The following PCDHA2 variants were observed in gnomAD, a reference collection of about 807,000 sequenced individuals.
PCDHA2 encodes the protein protocadherin alpha 2.
A neutral mutation model predicts 66.0 loss-of-function variants in PCDHA2; 58 were observed. The ratio of observed to expected loss-of-function variants is 0.88; its 90% CI spans 0.71 to 1.09. The LOEUF (loss-of-function observed/expected upper bound fraction) is 1.09, where lower values mean the gene tolerates loss of function less well. PCDHA2 is among the 50% of genes least tolerant of loss of function. PCDHA2 has a pLI of 0.00. For missense variants in PCDHA2, 1,267 were observed against 1,242.3 expected, an observed-to-expected ratio of 1.02 and a Z score of -0.30; for synonymous variants, 634 against 554.0, an observed-to-expected ratio of 1.14 and a Z score of -2.03.
intron 1 of PCDHA2, chr5:140,810,242 C>T (rs78416157): frequency 6.6e-6 from 1 of 152,216 alleles, no homozygotes; most frequent in Non-Finnish European, 1.5e-5. Flanking sequence ...TTCTACTGTT[C>T]AGGAATTTGC....
chr5:140,977,640 G>A (rs2096769670), intron 1 of PCDHA2, among the ~76,000 whole-genome samples: 1 of 152,124 alleles, frequency 6.6e-6, no homozygotes, highest in South Asian at 2.1e-4. Flanking sequence ...CTTTTTCTGG[G>A]CCTTGACTTT....
At chr5:140,858,570 C>A (rs1212586718) in intron 1 of PCDHA2, 2 of 1,363,070 alleles carry the variant, frequency 1.5e-6, no homozygotes, top group Non-Finnish European at 1.0e-6. Flanking sequence ...TCTAGTGATA[C>A]CTTTGTAATA....
chr5:140,847,333 C>T (rs2150399030), intron 1 of PCDHA2: 10 of 149,874 alleles, frequency 6.7e-5, no homozygotes, highest in African/African-American at 1.9e-4. Flanking sequence ...TTGTTAAATG[C>T]ACCTCTTAGG....
chr5:140,986,467 T>G (rs190246289), intron 3 of PCDHA2, among the ~76,000 whole-genome samples: 4 of 152,196 alleles, frequency 2.6e-5, no homozygotes, highest in Non-Finnish European at 5.9e-5. Context: ...AATGCCCTCT[T>G]GTGATCAGTT....
Position 140,828,813 on chromosome 5 carries a change from C to G in PCDHA2, c.2388+31461C>G, listed in dbSNP as rs2150159303. On this transcript the variant is annotated intron_variant, in intron 1 of 3. Coordinates refer to ENST00000526136, the MANE Select transcript of PCDHA2 (RefSeq NM_018905.3). ...CTGGATGTGAATGATAATGCTCCCA[C>G]TTTCGAACAGTCTGAATACGAAGTA... is the stretch of plus-strand genomic sequence containing the variant. 2.5e-6 allele frequency: 4 copies of G among 1,614,220 alleles called. No individual in the cohort carries two copies. The South Asian group carries it at 4.4e-5, about 18-fold the overall frequency.
chr5:140,854,041 AG>A (rs2042955652), intron 1 of PCDHA2: 1 of 283,480 alleles, frequency 3.5e-6, no homozygotes, highest in Non-Finnish European at 5.5e-6. Flanking sequence ...ACACATCTCT[AG>A]TCCCAATTAC....
intron 1 of PCDHA2, among the ~76,000 whole-genome samples, chr5:140,906,351 C>A (rs966982758): frequency 3.9e-5 from 6 of 152,128 alleles, no homozygotes; most frequent in Non-Finnish European, 5.9e-5. Context: ...CAAGAATGCA[C>A]CAATTCCCAA....
chr5:140,801,835 C>G, intron 1 of PCDHA2: 1 of 1,614,054 alleles, frequency 6.2e-7, no homozygotes, highest in South Asian at 1.1e-5. Context: ...TTACTAATAA[C>G]AGCAATTGAT....
At chr5:140,947,601 A>G (rs1296948194) in intron 1 of PCDHA2, among the ~76,000 whole-genome samples, 1 of 151,680 alleles carries the variant, frequency 6.6e-6, no homozygotes, top group Non-Finnish European at 1.5e-5. Context: ...TTTAGGGAAG[A>G]TTTGGTATCT....
intron 1 of PCDHA2, chr5:140,866,356 A>G (rs1554160259): frequency 6.6e-6 from 1 of 152,172 alleles, no homozygotes; most frequent in African/African-American, 2.4e-5. Flanking sequence ...AAATGTTTAC[A>G]ATATTGCATA....
intron 1 of PCDHA2, chr5:140,882,627 A>G: frequency 6.2e-7 from 1 of 1,614,136 alleles, no homozygotes; most frequent in Non-Finnish European, 8.5e-7. Flanking sequence ...TTCCATGTGG[A>G]GGTGAAGGTG....
chr5:140,799,291 A>G (rs1262623454), intron 1 of PCDHA2, among the ~76,000 whole-genome samples: 3 of 152,040 alleles, frequency 2.0e-5, no homozygotes, highest in African/African-American at 7.2e-5. Flanking sequence ...GTGACATTCC[A>G]TTTTGCAATT....
At chr5:140,834,868 T>C in intron 1 of PCDHA2, 1 of 1,609,592 alleles carries the variant, frequency 6.2e-7, no homozygotes, top group Non-Finnish European at 8.5e-7. Flanking sequence ...GATGCAGATA[T>C]CGGGGAGAAC....
chr5:140,959,834 G>A (rs1223310946), intron 1 of PCDHA2, among the ~76,000 whole-genome samples: 1 of 152,144 alleles, frequency 6.6e-6, no homozygotes, highest in African/African-American at 2.4e-5. Context: ...AATGTATTAT[G>A]CCTGTAACTG....
intron 1 of PCDHA2, among the ~76,000 whole-genome samples, chr5:140,886,356 T>C (rs1457178977): frequency 1.3e-5 from 2 of 152,194 alleles, no homozygotes; most frequent in South Asian, 2.1e-4. Flanking sequence ...GTTTGTTACA[T>C]AGGTGTACAT....
rs1445840756 is a variant in PCDHA2, at chr5:140,807,001, T to C, written c.2388+9649T>C. 1.8e-5 allele frequency: 13 copies of C among 728,926 alleles called. No homozygotes were observed. The African/African-American group carries it at 2.3e-4, about 13-fold the overall frequency. 45.2% of individuals were successfully genotyped at this position (728,926 alleles called of 1,614,324 possible). A position where few individuals can be genotyped will look rare whatever the true frequency, so the allele number is the denominator to read the frequency against. ...GTTTGGAGCCACATGATGTCGCTCT[T>C]TACCACAAAATACATGAGAGAAGGA... On this transcript the variant is annotated intron_variant, in intron 1 of 3. Coordinates refer to ENST00000526136, the MANE Select transcript of PCDHA2 (RefSeq NM_018905.3).
intron 1 of PCDHA2, chr5:140,871,112 A>C (rs1554165130): frequency 1.2e-6 from 2 of 1,613,172 alleles, no homozygotes; most frequent in Non-Finnish European, 1.7e-6. Context: ...TCGTTGGTGG[A>C]GAGCGGACAG....
chr5:140,947,270 T>C (rs1230948656), intron 1 of PCDHA2, among the ~76,000 whole-genome samples: 1 of 151,546 alleles, frequency 6.6e-6, no homozygotes, highest in Non-Finnish European at 1.5e-5. Context: ...TTGTTGAAAA[T>C]ACTTTTTCTT....
chr5:140,836,764 A>G (rs1774728694), intron 1 of PCDHA2: 2 of 1,563,418 alleles, frequency 1.3e-6, no homozygotes, highest in Non-Finnish European at 1.7e-6. Context: ...TCTTGTTTCC[A>G]ACAATTTTAA....
Sources: gnomAD v4.1 joint callset for allele counts (sites outside exome capture counted in the v4.1 genomes callset) on GRCh38, gnomAD v4.1.1 for gene constraint, MANE v1.5 for transcripts, NCBI Gene and HGNC (gene_info 2026-07-23, HGNC 2026-07-21) for gene names.